The following CSMD1 variants were observed in gnomAD, a reference collection of about 807,000 sequenced individuals.
CSMD1 encodes the protein CUB and Sushi multiple domains 1.
CSMD1 carries 213 observed loss-of-function variants against 417.5 expected under a neutral mutation model. The observed-to-expected ratio is 0.51, with a 90% CI of 0.46 to 0.57. The LOEUF is 0.57. Among genes scored for constraint, CSMD1 ranks in the 20% least tolerant of loss-of-function variants. The pLI is 0.00. For synonymous variants in CSMD1, 2,862 were observed against 1,736.8 expected (o/e 1.65, Z -16.11); for missense variants, 6,923 against 4,529.7 (o/e 1.53, Z -15.17).
intron 3 of CSMD1, 124 bp downstream of exon 3, chr8:4,419,829 C>T (rs1797145940): frequency 9.5e-6 from 6 of 632,164 alleles, no homozygotes; most frequent in Non-Finnish European, 1.7e-5. Context: ...ACACAGAAGC[C>T]AAATGTCTAC....
At chr8:3,195,536 C>A (rs904228533) in intron 33 of CSMD1, among the ~76,000 whole-genome samples, 1 of 152,116 alleles carries the variant, frequency 6.6e-6, no homozygotes, top group Non-Finnish European at 1.5e-5. Flanking sequence ...TTTTGCATTG[C>A]GTCTAAGAAT....
rs370870139 is a variant in CSMD1 at position 4,618,781 on chromosome 8, C to G, written c.302+18561G>C. Reference sequence around the variant, plus strand: ...ACCTTTCAGAATCTTGAGGAAGCCCCAAAACATTTCTGACTTCACTGTTCA... The same window carrying G: ...ACCTTTCAGAATCTTGAGGAAGCCCGAAAACATTTCTGACTTCACTGTTCA... On this transcript the variant is annotated intron_variant, in intron 2 of 69. Transcript: ENST00000635120. Among the ~76,000 whole-genome samples, 79 of 152,194 alleles carry G rather than the reference C, an allele frequency of 5.2e-4. 2 individuals carry two copies. The South Asian group carries it at 0.016, about 31-fold the overall frequency.
chr8:3,505,920 T>C (rs1007230973), intron 10 of CSMD1, among the ~76,000 whole-genome samples: 7 of 152,148 alleles, frequency 4.6e-5, no homozygotes, highest in Non-Finnish European at 8.8e-5. Flanking sequence ...TCTTTACAAA[T>C]ACACTAAAAA....
intron 10 of CSMD1, among the ~76,000 whole-genome samples, chr8:3,571,838 A>G (rs1412351273): frequency 1.3e-5 from 2 of 152,216 alleles, no homozygotes; most frequent in African/African-American, 4.8e-5. Flanking sequence ...GTACTGTATT[A>G]GATTCCAAAC....
chr8:3,868,746 C>G (rs372968094), intron 5 of CSMD1, among the ~76,000 whole-genome samples: 1 of 152,284 alleles, frequency 6.6e-6, no homozygotes, highest in East Asian at 1.9e-4. Flanking sequence ...TCTCTCAACC[C>G]ACATCCAACA....
intron 12 of CSMD1, among the ~76,000 whole-genome samples, chr8:3,428,101 GCAC>G (rs1813974427): frequency 6.6e-6 from 1 of 152,092 alleles, no homozygotes; most frequent in Non-Finnish European, 1.5e-5. Flanking sequence ...TATTCTTACA[GCAC>G]CTGAAATTTG....
At chr8:3,972,450 G>C (rs1282796761) in intron 5 of CSMD1, among the ~76,000 whole-genome samples, 3 of 152,190 alleles carry the variant, frequency 2.0e-5, no homozygotes, top group Admixed American at 1.3e-4. Context: ...TTTGTAAACA[G>C]TGATTCCTTG....
intron 2 of CSMD1, among the ~76,000 whole-genome samples, chr8:4,580,391 G>C (rs941785639): frequency 1.3e-5 from 2 of 152,126 alleles, no homozygotes; most frequent in Non-Finnish European, 2.9e-5. Context: ...TTCCTTTGTT[G>C]TGTATCGTGT....
chr8:3,981,976 C>A (rs1972151), intron 5 of CSMD1, among the ~76,000 whole-genome samples: 1 of 151,628 alleles, frequency 6.6e-6, no homozygotes, highest in African/African-American at 2.4e-5. Flanking sequence ...TTGAGACCAT[C>A]CTGGCTAACA....
At chr8:4,250,934 T>A (rs1803026374) in intron 3 of CSMD1, among the ~76,000 whole-genome samples, 1 of 152,174 alleles carries the variant, frequency 6.6e-6, no homozygotes, top group African/African-American at 2.4e-5. Flanking sequence ...CTGAGCTCTT[T>A]TCTTCAGATG....
intron 5 of CSMD1, among the ~76,000 whole-genome samples, chr8:3,958,094 C>T (rs1213552325): frequency 6.6e-6 from 1 of 152,104 alleles, no homozygotes; most frequent in Non-Finnish European, 1.5e-5. Context: ...TACTATAATG[C>T]TACTTGAAGA....
rs370828762 is a variant in CSMD1 at position 4,456,169 on chromosome 8, G to A, written c.303-36104C>T. Among the ~76,000 whole-genome samples the A allele has an allele frequency of 1.1e-4, 17 of 151,362 alleles. No individual in the cohort carries two copies. In the East Asian group the frequency reaches 1.2e-3, roughly 10 times the overall value. On this transcript the variant is annotated intron_variant, in intron 2 of 69. Coordinates refer to ENST00000635120, the MANE Select transcript of CSMD1 (RefSeq NM_033225.6). ...TAACAGAGAGTGGTCCCTGTCTTTT[G>A]GAAAAAGCATGACACAAACTTTATT...
intron 3 of CSMD1, among the ~76,000 whole-genome samples, chr8:4,385,453 G>C (rs376157708): frequency 1.2e-4 from 19 of 152,076 alleles, no homozygotes; most frequent in South Asian, 8.3e-4. Flanking sequence ...TCTTTTCTTA[G>C]TTTTATTTTT....
intron 3 of CSMD1, among the ~76,000 whole-genome samples, chr8:4,347,115 A>G (rs542250607): frequency 1.3e-5 from 2 of 152,254 alleles, no homozygotes; most frequent in African/African-American, 4.8e-5. Context: ...TTTTTCTCCA[A>G]GGCAGGAAAG....
chr8:4,346,447 G>A (rs1030463628), intron 3 of CSMD1, among the ~76,000 whole-genome samples: 12 of 152,226 alleles, frequency 7.9e-5, no homozygotes, highest in African/African-American at 2.9e-4. Context: ...GCCCTTTAAA[G>A]CAAGGCTTGC....
intron 8 of CSMD1, among the ~76,000 whole-genome samples, chr8:3,590,858 T>C (rs1344121915): frequency 1.3e-5 from 2 of 152,196 alleles, no homozygotes; most frequent in African/African-American, 4.8e-5. Flanking sequence ...TCATTTTATC[T>C]AACACATGAA....
intron 4 of CSMD1, among the ~76,000 whole-genome samples, chr8:4,020,402 G>A (rs893642288): frequency 1.3e-5 from 2 of 152,188 alleles, no homozygotes; most frequent in Non-Finnish European, 2.9e-5. Flanking sequence ...CACTGAGCAT[G>A]ACATCTGTTC....
intron 5 of CSMD1, among the ~76,000 whole-genome samples, chr8:3,773,422 G>A (rs754876159): frequency 6.6e-6 from 1 of 152,070 alleles, no homozygotes; most frequent in African/African-American, 2.4e-5. Context: ...GAGTAGCTGG[G>A]ACGACAGTCA....
intron 11 of CSMD1, among the ~76,000 whole-genome samples, chr8:3,487,138 G>C (rs139227414): frequency 4.7e-4 from 71 of 152,270 alleles, no homozygotes; most frequent in Non-Finnish European, 9.3e-4. Flanking sequence ...AAATGACTTG[G>C]TTATTCCAGT....
Sources: allele counts gnomAD v4.1 joint callset (sites outside exome capture counted in the v4.1 genomes callset), GRCh38; gene constraint gnomAD v4.1.1; transcripts MANE v1.5; gene names NCBI Gene and HGNC (gene_info 2026-07-23, HGNC 2026-07-21).